Variants in TSEN2 observed in about 807,000 individuals in gnomAD.
TSEN2 encodes the protein tRNA-splicing endonuclease subunit Sen2.
Under a neutral mutation model 59.2 loss-of-function variants are expected in TSEN2, and 54 were observed. The observed-to-expected ratio is 0.91, with a 90% CI of 0.73 to 1.14. TSEN2 has a LOEUF of 1.14. Among genes scored for constraint, TSEN2 ranks in the 50% most tolerant of loss-of-function variants. The pLI is 0.00. For synonymous variants in TSEN2, 195 were observed against 198.2 expected, an observed-to-expected ratio of 0.98 and a Z score of 0.14; for missense variants, 636 against 576.2, an observed-to-expected ratio of 1.10 and a Z score of -1.06.
At chr3:12,513,526 A>G (rs898058286) in intron 6 of TSEN2, among the ~76,000 whole-genome samples, 1 of 152,230 alleles carries the variant, frequency 6.6e-6, no homozygotes, top group African/African-American at 2.4e-5. Flanking sequence ...CTAAGAAAGC[A>G]TTATTATCCC....
In TSEN2 at chr3:12,505,002, A is replaced by G; in HGVS notation, c.832-152A>G. The G allele has an allele frequency of 4.6e-6, 3 of 648,132 alleles. No individual in the cohort carries two copies. The South Asian group carries it at 5.3e-5, about 12-fold the overall frequency. The allele number at this position is 648,132 out of a possible 1,614,324, so 40.1% of individuals were successfully genotyped here. On this transcript the variant is annotated intron_variant, in intron 5 of 11. Transcript: ENST00000284995. ...GGCAATAGAGCAAGAGTCCGTCTCA[A>G]AAAAATTGTGTTTTAATCATTCTTT... is the stretch of plus-strand genomic sequence containing the variant.
At chr3:12,487,088 G>T (rs2052694631) in intron 1 of TSEN2, among the ~76,000 whole-genome samples, 1 of 152,160 alleles carries the variant, frequency 6.6e-6, no homozygotes, top group African/African-American at 2.4e-5. Flanking sequence ...GTAACTATGT[G>T]TTTGACATTT....
intron 8 of TSEN2, among the ~76,000 whole-genome samples, chr3:12,520,292 C>T (rs754772568): frequency 3.1e-4 from 47 of 152,238 alleles, no homozygotes; most frequent in Non-Finnish European, 5.6e-4. Flanking sequence ...GCCACCATGC[C>T]GGCCGTATTG....
chr3:12,501,928 C>T (rs1386070060), intron 4 of TSEN2, among the ~76,000 whole-genome samples: 1 of 152,160 alleles, frequency 6.6e-6, no homozygotes, highest in Non-Finnish European at 1.5e-5. Flanking sequence ...GAATGCTTTG[C>T]CCTATTGTTT....
intron 4 of TSEN2, among the ~76,000 whole-genome samples, chr3:12,498,197 A>G (rs2053943745): frequency 6.6e-6 from 1 of 151,944 alleles, no homozygotes; most frequent in Non-Finnish European, 1.5e-5. Flanking sequence ...AATTGATTCC[A>G]TCTGCAAAGA....
chr3:12,494,231 A>C (rs997214687), intron 3 of TSEN2, among the ~76,000 whole-genome samples: 18 of 138,866 alleles, frequency 1.3e-4, no homozygotes, highest in Admixed American at 6.4e-4. Context: ...GGAATAATCC[A>C]TATTTATATA....
rs41293381 is a variant in TSEN2, at chr3:12,484,699, G to T, written c.-199G>T. ...GGGAGCCAGGCTTCCGAGTGCGCCCGGTCACTGACTCCTCCGCGCTTTCCT... is the reference window on the plus strand; with the variant it reads ...GGGAGCCAGGCTTCCGAGTGCGCCCTGTCACTGACTCCTCCGCGCTTTCCT... On this transcript the variant is annotated 5_prime_UTR_variant, in exon 1 of 12. Transcript: ENST00000284995. 0.016 allele frequency: 2,444 copies of T among 152,416 alleles called. 39 individuals carry two copies. Among genetic ancestry groups the T allele is most frequent in the South Asian group, 0.06 (288 of 4,830 alleles). The allele number at this position is 152,416 out of a possible 1,614,324, so 9.4% of individuals were successfully genotyped here. A position where few individuals can be genotyped will look rare whatever the true frequency, so the allele number is the denominator to read the frequency against.
chr3:12,535,260 A>T (rs2057647995), downstream of TSEN2, among the ~76,000 whole-genome samples: 1 of 152,210 alleles, frequency 6.6e-6, no homozygotes, highest in Non-Finnish European at 1.5e-5. Context: ...ACAGACTTGA[A>T]TAATCATCCC....
intron 8 of TSEN2, among the ~76,000 whole-genome samples, chr3:12,523,417 G>A (rs1408019769): frequency 2.0e-5 from 3 of 151,816 alleles, no homozygotes; most frequent in Non-Finnish European, 4.4e-5. Context: ...CTGTTGTGAC[G>A]TCCAGCCCAG....
intron 6 of TSEN2, chr3:12,511,128 C>T (rs2125101114): frequency 6.6e-6 from 1 of 152,338 alleles, no homozygotes; most frequent in East Asian, 1.9e-4. Flanking sequence ...AGGCAGTCTC[C>T]ACTCCAAGTA....
chr3:12,534,192 C>G (rs998225997), downstream of TSEN2, among the ~76,000 whole-genome samples: 1 of 152,224 alleles, frequency 6.6e-6, no homozygotes, highest in African/African-American at 2.4e-5. Flanking sequence ...ACACAGTCCT[C>G]TACCTCGGGT....
At chr3:12,520,109 C>T (rs1039862520) in intron 8 of TSEN2, among the ~76,000 whole-genome samples, 8 of 152,086 alleles carry the variant, frequency 5.3e-5, no homozygotes, top group African/African-American at 1.9e-4. Context: ...CGCCGTTCTC[C>T]TGCCTCAGCC....
intron 7 of TSEN2, among the ~76,000 whole-genome samples, chr3:12,518,506 CT>C (rs1361965081): frequency 6.6e-6 from 1 of 152,116 alleles, no homozygotes; most frequent in African/African-American, 2.4e-5. Flanking sequence ...CAAATGCTGC[CT>C]TTTCTAAGTC....
intron 1 of TSEN2, among the ~76,000 whole-genome samples, chr3:12,488,533 C>T (rs1435285529): frequency 6.6e-6 from 1 of 152,234 alleles, no homozygotes; most frequent in Admixed American, 6.5e-5. Context: ...GTCTGCATCA[C>T]ACAATATGTT....
At chr3:12,497,513 T>C (rs564156710) in intron 4 of TSEN2, among the ~76,000 whole-genome samples, 1 of 152,096 alleles carries the variant, frequency 6.6e-6, no homozygotes, top group South Asian at 2.1e-4. Flanking sequence ...GGGATTCTGG[T>C]GTGTGGGAGG....
Position 12,492,174 on chromosome 3 carries a change from A to G in TSEN2, c.228A>G (p.Pro76=). ...AAGGTATTCTTTCAAGAAGCCGTCCAAGCTTCACAATTTCAGATCCTAAAC... is the reference window on the plus strand; with the variant it reads ...AAGGTATTCTTTCAAGAAGCCGTCCGAGCTTCACAATTTCAGATCCTAAAC... The part of the protein sequence containing the change: ...FGKGILSRSR[P]SFTISDPKLV... The change falls in exon 3 of 12, where the codon CCA becomes CCG. Residue 76 remains proline, a synonymous_variant. Transcript: ENST00000284995. The G allele has an allele frequency of 6.2e-7, 1 of 1,614,178 alleles. No homozygotes were observed. The highest frequency in any genetic ancestry group is 8.5e-7 in the Non-Finnish European group (1 of 1,180,004).
intron 1 of TSEN2, among the ~76,000 whole-genome samples, chr3:12,488,743 G>T (rs1272995300): frequency 2.6e-5 from 4 of 152,200 alleles, no homozygotes; most frequent in African/African-American, 9.7e-5. Context: ...TTCCGTTACT[G>T]CTCAATAACC....
At chr3:12,513,112 G>A (rs1045458289) in intron 6 of TSEN2, among the ~76,000 whole-genome samples, 5 of 152,232 alleles carry the variant, frequency 3.3e-5, no homozygotes, top group East Asian at 3.9e-4. Context: ...GTGCCTAGTC[G>A]CATTTTGCAT....
At chr3:12,480,707 T>A (rs566544782), upstream of TSEN2, among the ~76,000 whole-genome samples, 56 of 151,472 alleles carry the variant, frequency 3.7e-4, no homozygotes, top group Middle Eastern at 6.8e-3. Context: ...TTTTATATAT[T>A]TTTTTTAGTA....
Sources: allele counts gnomAD v4.1 joint callset (sites outside exome capture counted in the v4.1 genomes callset), GRCh38; gene constraint gnomAD v4.1.1; transcripts MANE v1.5; gene names NCBI Gene and HGNC (gene_info 2026-07-23, HGNC 2026-07-21).